SLCO1C1: variants seen among roughly 807,000 people sequenced by gnomAD.
SLCO1C1 encodes the protein solute carrier organic anion transporter family member 1C1.
SLCO1C1 carries 70 observed loss-of-function variants against 76.4 expected under a neutral mutation model. The observed-to-expected ratio is 0.92, with a 90% CI of 0.76 to 1.12. SLCO1C1 has a LOEUF of 1.12. Ranked by LOEUF, SLCO1C1 falls within the 50% of genes most tolerant of loss-of-function variation. SLCO1C1 has a pLI of 0.00. For missense variants in SLCO1C1, 912 were observed against 823.8 expected (o/e 1.11, Z -1.31); for synonymous variants, 306 against 286.1 (o/e 1.07, Z -0.70).
rs374149426 is a variant in SLCO1C1, at chr12:20,715,158, C to T, written c.549C>T (p.Ser183=). The T allele has an allele frequency of 1.9e-6, 3 of 1,613,902 alleles. No individual in the cohort carries two copies. The highest frequency in any genetic ancestry group is 2.5e-6 in the Non-Finnish European group (3 of 1,179,934). The change falls in exon 6 of 15, where the codon AGC becomes AGT. Residue 183 remains serine (S), a synonymous_variant. Coordinates refer to ENST00000266509, the MANE Select transcript of SLCO1C1 (RefSeq NM_017435.5). The part of the protein sequence containing the change: ...KISNECEVDT[S]SSMWIYVFLG... ...TTCAAGAATGTGAAGTGGACACTAG[C>T]TCTTCCATGTGGATTTATGTTTTCC...
intron 3 of SLCO1C1, among the ~76,000 whole-genome samples, chr12:20,703,984 T>TGTGTGTGC (rs1165000232): frequency 2.8e-5 from 4 of 144,148 alleles, no homozygotes; most frequent in Non-Finnish European, 4.7e-5. Context: ...TGTGTGTGTG[T>TGTGTGTGC]GTGCATAGAC....
At chr12:20,699,530 C>A in intron 1 of SLCO1C1, 22 bp from the exon 2 acceptor site, 1 of 1,524,194 alleles carries the variant, frequency 6.6e-7, no homozygotes, top group East Asian at 2.4e-5. Context: ...TTTATTTTTA[C>A]TTTAAAAACT....
chr12:20,705,821 T>A, intron 3 of SLCO1C1, 128 bp from the exon 4 acceptor site: 1 of 873,000 alleles, frequency 1.1e-6, no homozygotes, highest in Non-Finnish European at 1.7e-6. Context: ...AGGAAAAAAA[T>A]TAAATGATGC....
At chr12:20,743,491 C>G in intron 13 of SLCO1C1, 122 bp downstream of exon 13, 1 of 632,216 alleles carries the variant, frequency 1.6e-6, no homozygotes, top group Middle Eastern at 4.5e-4. Flanking sequence ...AGTTCATAGT[C>G]TTTTTTATTC....
At chr12:20,701,855 C>G (rs917309535) in intron 3 of SLCO1C1, among the ~76,000 whole-genome samples, 1 of 151,834 alleles carries the variant, frequency 6.6e-6, no homozygotes, top group Non-Finnish European at 1.5e-5. Context: ...CAAATGCGCT[C>G]TACAAGAATT....
In SLCO1C1 at chr12:20,695,604, C is replaced by G. The variant is rs1363928235; in HGVS notation, c.-229C>G. The stretch of plus-strand genomic sequence containing the variant: ...GGAAGAAAGAGGAAAGAGAAGAGAT[C>G]GCTCAGGGGTGAGACCATGCCCTTC... On this transcript the variant is annotated 5_prime_UTR_variant, in exon 1 of 15. In the 5' UTR this introduces an upstream ATG that the reference lacks. Coordinates refer to ENST00000266509, the MANE Select transcript of SLCO1C1 (RefSeq NM_017435.5). 1 of 152,104 alleles carries G rather than the reference C, an allele frequency of 6.6e-6. No individual in the cohort carries two copies. The highest frequency in any genetic ancestry group is 1.5e-5 in the Non-Finnish European group (1 of 68,030). The allele number at this position is 152,104 out of a possible 1,614,324, so 9.4% of individuals were successfully genotyped here.
At chr12:20,720,158 A>G (rs1018284117) in intron 7 of SLCO1C1, among the ~76,000 whole-genome samples, 2 of 152,164 alleles carry the variant, frequency 1.3e-5, no homozygotes, top group Non-Finnish European at 2.9e-5. Flanking sequence ...ATGGTTTACT[A>G]ACTATTTGAA....
chr12:20,717,349 TAAAC>T (rs1592257748), intron 7 of SLCO1C1, 119 bp downstream of exon 7: 1 of 695,688 alleles, frequency 1.4e-6, no homozygotes, highest in East Asian at 3.3e-5. Context: ...TAATCTTTCA[TAAAC>T]TAAAAATTTT....
At position 20,695,510 on chromosome 12, in the gene SLCO1C1, G is replaced by A. The variant is rs1946228238; in HGVS notation, c.-323G>A. 1 of 152,174 alleles carries A rather than the reference G, an allele frequency of 6.6e-6. No individual in the cohort carries two copies. The highest frequency in any genetic ancestry group is 1.9e-4 in the East Asian group (1 of 5,172). The allele number at this position is 152,174 out of a possible 1,614,324, so 9.4% of individuals were successfully genotyped here. Reference sequence around the variant, plus strand: ...CTTCAGCTCTTTCTGTGCCCTGGGAGCTGAGATGCACGTCAGTGGCCTTGC... The same window carrying A: ...CTTCAGCTCTTTCTGTGCCCTGGGAACTGAGATGCACGTCAGTGGCCTTGC... On this transcript the variant is annotated 5_prime_UTR_variant, in exon 1 of 15. Coordinates refer to ENST00000266509, the MANE Select transcript of SLCO1C1 (RefSeq NM_017435.5).
chr12:20,701,741 G>T (rs1946537248), intron 3 of SLCO1C1, among the ~76,000 whole-genome samples: 3 of 151,806 alleles, frequency 2.0e-5, no homozygotes. Flanking sequence ...GAAAGGGTGA[G>T]ATGCTAATTG....
In SLCO1C1 at chr12:20,715,236, T is replaced by C. The variant is rs1565512175; in HGVS notation, c.627T>C (p.Ile209=). 3.7e-6 allele frequency: 6 copies of C among 1,613,972 alleles called. No homozygotes were observed. In the South Asian group the frequency reaches 6.6e-5, roughly 18 times the overall value. ...AAACTCCCATTCAGCCTTTGGGCAT[T>C]GCCTACCTGGATGATTTTGCCAGTG... The part of the protein sequence containing the change: ...IGETPIQPLG[I]AYLDDFASED... The change falls in exon 6 of 15, where the codon ATT becomes ATC. Residue 209 remains isoleucine, a synonymous_variant. Coordinates refer to ENST00000266509, the MANE Select transcript of SLCO1C1 (RefSeq NM_017435.5).
At chr12:20,696,502 C>A (rs951349397) in intron 1 of SLCO1C1, among the ~76,000 whole-genome samples, 1 of 152,110 alleles carries the variant, frequency 6.6e-6, no homozygotes, top group Non-Finnish European at 1.5e-5. Flanking sequence ...CATTTAAAAT[C>A]TGGAGGGCTG....
intron 8 of SLCO1C1, among the ~76,000 whole-genome samples, chr12:20,722,793 G>A (rs112701658): frequency 3.7e-4 from 56 of 152,208 alleles, no homozygotes; most frequent in African/African-American, 1.3e-3. Flanking sequence ...CATCCTTTTC[G>A]TCTTTTGCCC....
At chr12:20,736,439 A>G (rs1169548538) in intron 10 of SLCO1C1, among the ~76,000 whole-genome samples, 1 of 152,112 alleles carries the variant, frequency 6.6e-6, no homozygotes, top group Non-Finnish European at 1.5e-5. Context: ...CAACAAATAA[A>G]TGGGTAAGTC....
chr12:20,705,865 G>T lies in SLCO1C1; in HGVS notation c.272-84G>T, dbSNP rs78631595. ...CTTAGTTAAAAGAAAACATTGCTTG[G>T]TCTGCTGTATACATTCATTCAGTTA... On this transcript the variant is annotated intron_variant, in intron 3 of 14. Coordinates refer to ENST00000266509, the MANE Select transcript of SLCO1C1 (RefSeq NM_017435.5). The T allele has an allele frequency of 5.6e-3, 7,597 of 1,345,214 alleles. 322 individuals carry two copies. The African/African-American group carries it at 0.099, about 18-fold the overall frequency. The allele number at this position is 1,345,214 out of a possible 1,614,324, so 83.3% of individuals were successfully genotyped here.
intron 7 of SLCO1C1, among the ~76,000 whole-genome samples, chr12:20,720,679 G>A (rs931307014): frequency 6.6e-6 from 1 of 152,176 alleles, no homozygotes; most frequent in African/African-American, 2.4e-5. Context: ...TTGAAGATGC[G>A]ACTGAATTGC....
Position 20,731,868 on chromosome 12 carries a change from T to G in SLCO1C1, c.1187-1041T>G, listed in dbSNP as rs575576132. Among the ~76,000 whole-genome samples, 705 of 84,750 alleles carry G rather than the reference T, an allele frequency of 8.3e-3. 1 individual carries two copies. The highest frequency in any genetic ancestry group is 0.011 in the Non-Finnish European group (472 of 41,298). The allele number at this position is 84,750 out of a possible 152,430, so 55.6% of individuals were successfully genotyped here. ...ATGGATAGAAATTAATTGCATGACA[T>G]TTTTTTTTACTAAACATTGTGCTGA... On this transcript the variant is annotated intron_variant, in intron 9 of 14. Coordinates refer to ENST00000266509, the MANE Select transcript of SLCO1C1 (RefSeq NM_017435.5).
chr12:20,724,443 ATATATATATGTGTGTG>A (rs1947849918), intron 9 of SLCO1C1, among the ~76,000 whole-genome samples: 1 of 99,424 alleles, frequency 1.0e-5, no homozygotes, highest in East Asian at 2.7e-4. Flanking sequence ...ATATATATAT[ATATATATATGTGTGTG>A]TGTGTGTGTG....
At chr12:20,701,976 A>AT (rs1385804629) in intron 3 of SLCO1C1, among the ~76,000 whole-genome samples, 1 of 151,950 alleles carries the variant, frequency 6.6e-6, no homozygotes, top group Non-Finnish European at 1.5e-5. Flanking sequence ...AGAGCAGGCA[A>AT]TAAAAATTCA....
Sources: allele counts gnomAD v4.1 joint callset (sites outside exome capture counted in the v4.1 genomes callset), GRCh38; gene constraint gnomAD v4.1.1; transcripts MANE v1.5; gene names NCBI Gene and HGNC (gene_info 2026-07-23, HGNC 2026-07-21).